Variants in AGBL1 observed in about 807,000 individuals in gnomAD.
AGBL1 encodes the protein cytosolic carboxypeptidase 4.
AGBL1 carries 130 observed loss-of-function variants against 118.9 expected under a neutral mutation model. The ratio of observed to expected loss-of-function variants is 1.09; its 90% CI spans 0.95 to 1.26. The LOEUF is 1.26. Among genes scored for constraint, AGBL1 ranks in the 50% most tolerant of loss-of-function variants. AGBL1 has a pLI of 0.00. For missense variants in AGBL1, 1,584 were observed against 1,298.1 expected (o/e 1.22, Z -3.38); for synonymous variants, 555 against 478.9 (o/e 1.16, Z -2.08).
chr15:86,363,551 A>T (rs2141925953), intron 17 of AGBL1, among the ~76,000 whole-genome samples: 1 of 152,242 alleles, frequency 6.6e-6, no homozygotes, highest in East Asian at 1.9e-4. Flanking sequence ...TGGCAGGATC[A>T]TACTGATTTC....
At chr15:86,748,066 C>A (rs57171909) in intron 22 of AGBL1, among the ~76,000 whole-genome samples, 28,280 of 151,906 alleles carry the variant, frequency 0.19, 2,744 homozygotes, top group East Asian at 0.28. Flanking sequence ...TGTCTTCCAT[C>A]ATGGTTGAAC....
chr15:86,375,477 C>T (rs1234821816), intron 17 of AGBL1, among the ~76,000 whole-genome samples: 3 of 152,250 alleles, frequency 2.0e-5, no homozygotes, highest in African/African-American at 7.2e-5. Flanking sequence ...ATGGGGATTA[C>T]AGTTCAAGAT....
intron 22 of AGBL1, among the ~76,000 whole-genome samples, chr15:86,838,708 G>A (rs1431174464): frequency 6.6e-6 from 1 of 151,808 alleles, no homozygotes; most frequent in East Asian, 1.9e-4. Context: ...GAGAGGCCGA[G>A]GCAGAAAGAC....
intron 21 of AGBL1, among the ~76,000 whole-genome samples, chr15:86,623,816 T>A (rs7496617): frequency 0.021 from 3,174 of 152,326 alleles, 60 homozygotes; most frequent in East Asian, 0.094. Context: ...TCCTGTTAAA[T>A]CAGTGCATAC....
chr15:86,323,537 A>G (rs2080137234), intron 17 of AGBL1, among the ~76,000 whole-genome samples: 1 of 152,192 alleles, frequency 6.6e-6, no homozygotes, highest in South Asian at 2.1e-4. Context: ...TAATCATTTC[A>G]TTGACAGATT....
At chr15:86,383,814 C>T (rs1489792399) in intron 17 of AGBL1, among the ~76,000 whole-genome samples, 1 of 152,140 alleles carries the variant, frequency 6.6e-6, no homozygotes, top group Non-Finnish European at 1.5e-5. Flanking sequence ...GGATCTTTCT[C>T]CTGTTCTAAT....
intron 24 of AGBL1, among the ~76,000 whole-genome samples, chr15:86,999,228 T>A (rs967862256): frequency 8.6e-5 from 13 of 151,238 alleles, no homozygotes; most frequent in East Asian, 3.9e-4. Context: ...ATATATATAT[T>A]TTTTATTATA....
At chr15:87,002,675 C>T (rs1454178578) in intron 24 of AGBL1, among the ~76,000 whole-genome samples, 3 of 152,102 alleles carry the variant, frequency 2.0e-5, no homozygotes, top group Non-Finnish European at 2.9e-5. Flanking sequence ...TTGTAGTTCT[C>T]CTTGAAGAGG....
chr15:86,356,762 C>T (rs1419673563), intron 17 of AGBL1, among the ~76,000 whole-genome samples: 1 of 152,116 alleles, frequency 6.6e-6, no homozygotes, highest in East Asian at 1.9e-4. Flanking sequence ...GGAGGTATTC[C>T]TTTTGGTGAT....
chr15:86,277,299 T>C (rs2079271261), intron 15 of AGBL1, among the ~76,000 whole-genome samples: 1 of 117,476 alleles, frequency 8.5e-6, no homozygotes, highest in South Asian at 2.7e-4. Context: ...AGTGTGTGTG[T>C]GTGCATGTGT....
intron 6 of AGBL1, among the ~76,000 whole-genome samples, chr15:86,241,232 T>G (rs2078636836): frequency 6.6e-6 from 1 of 152,164 alleles, no homozygotes; most frequent in African/African-American, 2.4e-5. Context: ...TATTTTGAAA[T>G]TTTTCCTTTG....
At chr15:86,272,387 T>A (rs969868420) in intron 15 of AGBL1, among the ~76,000 whole-genome samples, 58 of 152,202 alleles carry the variant, frequency 3.8e-4, no homozygotes, top group African/African-American at 1.3e-3. Flanking sequence ...AAAATAAGGA[T>A]AGGGATTGCT....
intron 18 of AGBL1, among the ~76,000 whole-genome samples, chr15:86,503,534 T>G (rs979190314): frequency 1.3e-5 from 2 of 151,258 alleles, no homozygotes; most frequent in East Asian, 3.9e-4. Context: ...GATTTGTGAT[T>G]GTTATGTTTT....
chr15:86,397,447 AGTTC>A lies in AGBL1; in HGVS notation c.2457_2460del (p.Glu819AspfsTer12). 2 of 1,613,152 alleles carry A rather than the reference AGTTC, an allele frequency of 1.2e-6. No individual in the cohort carries two copies. Among genetic ancestry groups the A allele is most frequent in the Non-Finnish European group, 1.7e-6 (2 of 1,179,406 alleles). ...AGTTGGGTGATGAAGGGTACCTTGG[AGTTC>A]CTGGTCAGCAGTGACCCTGTGGCTA... is the stretch of plus-strand genomic sequence containing the variant. On this transcript the variant is annotated frameshift_variant, in exon 18 of 23. Transcript: ENST00000614907. LOFTEE classifies it high-confidence loss of function.
intron 18 of AGBL1, among the ~76,000 whole-genome samples, chr15:86,475,458 G>A (rs565857156): frequency 6.2e-4 from 94 of 152,252 alleles, no homozygotes; most frequent in African/African-American, 2.1e-3. Context: ...TCGATCAACT[G>A]GAAGAAAGGG....
intron 18 of AGBL1, among the ~76,000 whole-genome samples, chr15:86,486,557 C>G (rs1055837971): frequency 9.2e-5 from 14 of 152,098 alleles, no homozygotes; most frequent in African/African-American, 2.4e-4. Context: ...AGTCCATTTC[C>G]CAGAGCAGGC....
intron 23 of AGBL1, among the ~76,000 whole-genome samples, chr15:86,961,061 G>A (rs377224289): frequency 6.6e-6 from 1 of 151,964 alleles, no homozygotes; most frequent in Non-Finnish European, 1.5e-5. Flanking sequence ...CTTGAAATTT[G>A]CTAAAAAAGT....
chr15:86,351,262 C>T (rs766780011), intron 17 of AGBL1, among the ~76,000 whole-genome samples: 57 of 152,194 alleles, frequency 3.7e-4, no homozygotes, highest in Non-Finnish European at 5.9e-4. Context: ...CTGAATTTGT[C>T]CTTTTATAAC....
intron 18 of AGBL1, among the ~76,000 whole-genome samples, chr15:86,408,852 G>A (rs2081571953): frequency 6.6e-6 from 1 of 152,034 alleles, no homozygotes; most frequent in Non-Finnish European, 1.5e-5. Flanking sequence ...AGGGGTCTGA[G>A]GAACTACAAT....
Sources: gnomAD v4.1 joint callset for allele counts (sites outside exome capture counted in the v4.1 genomes callset) on GRCh38, gnomAD v4.1.1 for gene constraint, MANE v1.5 for transcripts, NCBI Gene and HGNC (gene_info 2026-07-23, HGNC 2026-07-21) for gene names.